EPHA6: variants seen among roughly 807,000 people sequenced by gnomAD.
EPHA6 encodes EPH receptor A6.
A neutral mutation model predicts 112.0 loss-of-function variants in EPHA6; 50 were observed. The ratio of observed to expected loss-of-function variants is 0.45; its 90% CI spans 0.36 to 0.56. The LOEUF is 0.56. Among genes scored for constraint, EPHA6 ranks in the 20% least tolerant of loss-of-function variants. EPHA6 has a pLI of 0.00. For synonymous variants in EPHA6, 529 were observed against 490.7 expected, an observed-to-expected ratio of 1.08 and a Z score of -1.03; for missense variants, 1,280 against 1,417.4, an observed-to-expected ratio of 0.90 and a Z score of 1.56.
At chr3:97,181,518 A>G (rs573504417) in intron 3 of EPHA6, among the ~76,000 whole-genome samples, 1 of 152,138 alleles carries the variant, frequency 6.6e-6, no homozygotes, top group South Asian at 2.1e-4. Flanking sequence ...AACGGTGCAC[A>G]ATAATTCTTG....
intron 3 of EPHA6, among the ~76,000 whole-genome samples, chr3:97,136,185 T>A (rs1034820041): frequency 6.6e-6 from 1 of 152,132 alleles, no homozygotes; most frequent in Non-Finnish European, 1.5e-5. Flanking sequence ...GCTCCTAAAC[T>A]ACAAGTAACA....
At chr3:97,584,833 C>T (rs1169069514) in intron 11 of EPHA6, among the ~76,000 whole-genome samples, 1 of 152,136 alleles carries the variant, frequency 6.6e-6, no homozygotes, top group Non-Finnish European at 1.5e-5. Flanking sequence ...ATAGGCAGTC[C>T]TCATGTGATT....
chr3:97,701,277 G>A (rs1413430376), intron 14 of EPHA6, among the ~76,000 whole-genome samples: 1 of 152,110 alleles, frequency 6.6e-6, no homozygotes, highest in African/African-American at 2.4e-5. Context: ...GTGATTCAGT[G>A]TTAAGTCTTA....
intron 3 of EPHA6, among the ~76,000 whole-genome samples, chr3:97,216,722 A>G (rs901787402): frequency 6.6e-6 from 1 of 152,258 alleles, no homozygotes; most frequent in Non-Finnish European, 1.5e-5. Context: ...GTATTGCTCC[A>G]TATTCTCAGA....
At chr3:96,938,237 T>C (rs998767616) in intron 2 of EPHA6, among the ~76,000 whole-genome samples, 1 of 152,216 alleles carries the variant, frequency 6.6e-6, no homozygotes, top group African/African-American at 2.4e-5. Context: ...TTCCAACCCA[T>C]GAGCATGGAA....
chr3:97,481,601 A>G (rs978381443), intron 9 of EPHA6: 18 of 518,756 alleles, frequency 3.5e-5, no homozygotes, highest in Non-Finnish European at 6.1e-5. Flanking sequence ...GAAAGTCTTC[A>G]GGGAGCAGCT....
chr3:97,650,737 T>G (rs987183281), intron 14 of EPHA6, among the ~76,000 whole-genome samples: 1 of 151,548 alleles, frequency 6.6e-6, no homozygotes, highest in Non-Finnish European at 1.5e-5. Flanking sequence ...AGAAGAGGAC[T>G]CTACTCTTCT....
chr3:96,823,584 T>A (rs2033435515), intron 1 of EPHA6, among the ~76,000 whole-genome samples: 1 of 151,818 alleles, frequency 6.6e-6, no homozygotes. Context: ...AATTAGTAGT[T>A]GCCATGAAGT....
rs180997763 is a variant in EPHA6, at chr3:97,462,585, C to T, written c.1895-12767C>T. The stretch of plus-strand genomic sequence containing the variant: ...TCCTTGCACAGAAATAAGCAACTTA[C>T]CCGAAAACAAGCTTAGCTATATATT... On this transcript the variant is annotated intron_variant, in intron 7 of 17. Transcript: ENST00000389672. Among the ~76,000 whole-genome samples, 7 of 152,196 alleles carry T rather than the reference C, an allele frequency of 4.6e-5. No homozygotes were observed. In the East Asian group the frequency reaches 1.2e-3, roughly 25 times the overall value.
intron 3 of EPHA6, among the ~76,000 whole-genome samples, chr3:97,225,239 G>A (rs977466241): frequency 6.6e-6 from 1 of 152,212 alleles, no homozygotes; most frequent in African/African-American, 2.4e-5. Flanking sequence ...ACAGGCGTGA[G>A]CCACCGCACC....
intron 4 of EPHA6, among the ~76,000 whole-genome samples, chr3:97,241,765 T>TG (rs1426974809): frequency 3.3e-5 from 5 of 150,414 alleles, no homozygotes; most frequent in Non-Finnish European, 7.4e-5. Flanking sequence ...GTTTTTTTTT[T>TG]TTTTTGTTTT....
At chr3:96,948,958 G>T (rs544906167) in intron 2 of EPHA6, among the ~76,000 whole-genome samples, 5 of 152,226 alleles carry the variant, frequency 3.3e-5, no homozygotes, top group African/African-American at 1.2e-4. Context: ...GACATTTGGA[G>T]GTTATGCCGT....
intron 6 of EPHA6, among the ~76,000 whole-genome samples, chr3:97,420,828 GA>G: frequency 7.2e-6 from 1 of 138,170 alleles, no homozygotes; most frequent in Middle Eastern, 3.8e-3. Context: ...GCTAAGTATA[GA>G]AAAAAAGACA....
chr3:97,562,956 A>G (rs1419230690), intron 11 of EPHA6, among the ~76,000 whole-genome samples: 1 of 152,176 alleles, frequency 6.6e-6, no homozygotes, highest in African/African-American at 2.4e-5. Flanking sequence ...AACCAAATAC[A>G]AAATATGTAT....
rs6791841 is a variant in EPHA6, at chr3:97,224,891, A to C, written c.1115-1373A>C. Among the ~76,000 whole-genome samples the C allele has an allele frequency of 2.7e-3, 416 of 152,094 alleles. 3 individuals are homozygous for C. Among genetic ancestry groups the C allele is most frequent in the African/African-American group, 9.6e-3 (400 of 41,502 alleles). On this transcript the variant is annotated intron_variant, in intron 3 of 17. Coordinates refer to ENST00000389672, the MANE Select transcript of EPHA6 (RefSeq NM_001080448.3). ...TGTTATAGATTAAAGGTATTACTTC[A>C]ATTTCAGGTCCAACTTGTTAATTTT... is the stretch of plus-strand genomic sequence containing the variant.
intron 11 of EPHA6, among the ~76,000 whole-genome samples, chr3:97,559,341 A>G (rs550516348): frequency 6.6e-6 from 1 of 152,148 alleles, no homozygotes; most frequent in South Asian, 2.1e-4. Flanking sequence ...AGAACTCTAG[A>G]GATTTTGGTG....
At chr3:97,141,106 A>G (rs1351511443) in intron 3 of EPHA6, among the ~76,000 whole-genome samples, 2 of 152,184 alleles carry the variant, frequency 1.3e-5, no homozygotes, top group Non-Finnish European at 2.9e-5. Context: ...TTATTAAATA[A>G]TGACAAAGGG....
intron 5 of EPHA6, among the ~76,000 whole-genome samples, chr3:97,266,920 T>C (rs573682984): frequency 6.6e-6 from 1 of 152,268 alleles, no homozygotes; most frequent in East Asian, 1.9e-4. Flanking sequence ...GTATAAGGTA[T>C]GTTTATGCTC....
chr3:97,727,922 G>A (rs1486458), intron 15 of EPHA6, among the ~76,000 whole-genome samples: 149,230 of 152,094 alleles, frequency 0.98, 73,232 homozygotes, highest in East Asian at 0.99. Flanking sequence ...TAAACAATGC[G>A]GTACTACCAC....
Sources: gnomAD v4.1 joint callset for allele counts (sites outside exome capture counted in the v4.1 genomes callset) on GRCh38, gnomAD v4.1.1 for gene constraint, MANE v1.5 for transcripts, NCBI Gene and HGNC (gene_info 2026-07-23, HGNC 2026-07-21) for gene names.